DGKI: variants seen among roughly 807,000 people sequenced by gnomAD.
DGKI encodes diacylglycerol kinase iota.
DGKI carries 55 observed loss-of-function variants against 147.5 expected under a neutral mutation model. That is an observed-to-expected ratio of 0.37 (90% CI 0.30 to 0.47). DGKI has a LOEUF of 0.47. Among genes scored for constraint, DGKI ranks in the 20% least tolerant of loss-of-function variants. The pLI is 1.00. For missense variants in DGKI, 1,007 were observed against 1,323.8 expected (o/e 0.76, Z 3.71); for synonymous variants, 469 against 477.1 (o/e 0.98, Z 0.22).
intron 17 of DGKI, among the ~76,000 whole-genome samples, chr7:137,575,992 T>C (rs1464090572): frequency 6.6e-6 from 1 of 152,058 alleles, no homozygotes; most frequent in Non-Finnish European, 1.5e-5. Flanking sequence ...TCTATTTTCA[T>C]GTATATATTT....
intron 21 of DGKI, among the ~76,000 whole-genome samples, chr7:137,512,325 A>G (rs1156369678): frequency 6.6e-6 from 1 of 152,210 alleles, no homozygotes; most frequent in Non-Finnish European, 1.5e-5. Context: ...ATGAAGCCCT[A>G]TGCAATGATT....
At chr7:137,670,529 G>C (rs1002926934) in intron 3 of DGKI, among the ~76,000 whole-genome samples, 4 of 152,154 alleles carry the variant, frequency 2.6e-5, no homozygotes, top group African/African-American at 9.7e-5. Flanking sequence ...CTGCCACTGA[G>C]AGCACCCCAC....
Position 137,552,374 on chromosome 7 carries a change from G to C in DGKI, c.2142C>G (p.Leu714=), listed in dbSNP as rs1212810662. ...TAGGCCATGAGCAGACTCACTCATT[G>C]AGTAAAGGCATGGATGTTCTCCTCT... The part of the protein sequence containing the change: ...KSKRRTSMPL[L]NDPQSVPDRL... The change falls in exon 20 of 33, where the codon CTC becomes CTG. Residue 714 remains leucine (L), a synonymous_variant. Coordinates refer to ENST00000614521, the MANE Select transcript of DGKI (RefSeq NM_001321708.2). 2 of 1,612,784 alleles carry C rather than the reference G, an allele frequency of 1.2e-6. No homozygotes were observed. Among genetic ancestry groups the C allele is most frequent in the African/African-American group, 1.3e-5 (1 of 74,868 alleles).
At chr7:137,554,614 C>T (rs1723120) in intron 19 of DGKI, among the ~76,000 whole-genome samples, 16,572 of 152,046 alleles carry the variant, frequency 0.11, 2,039 homozygotes, top group African/African-American at 0.3. Flanking sequence ...TTTCCCTCAA[C>T]CCCTCTCAAA....
At chr7:137,451,921 C>T (rs1157859018) in intron 27 of DGKI, among the ~76,000 whole-genome samples, 5 of 152,094 alleles carry the variant, frequency 3.3e-5, no homozygotes, top group African/African-American at 1.2e-4. Flanking sequence ...GGCCTTCCTA[C>T]TTGGCCCTTC....
chr7:137,485,318 A>T lies in DGKI; in HGVS notation c.2373+56T>A, dbSNP rs1815515268. ...AAATCAAAATAAGACATTAATTGAA[A>T]GATGGACTTCATTTGGCCAGAAGGT... On this transcript the variant is annotated intron_variant, in intron 23 of 32. Transcript: ENST00000614521. 6.0e-6 allele frequency: 8 copies of T among 1,329,008 alleles called. No individual in the cohort carries two copies. In the East Asian group the frequency reaches 1.9e-4, roughly 31 times the overall value. 82.3% of individuals were successfully genotyped at this position (1,329,008 alleles called of 1,614,324 possible).
rs1354228420 is a variant in DGKI, at chr7:137,382,759, A to C, written c.*8461T>G. 6.6e-6 allele frequency: 1 copy of C among 152,068 alleles called. No individual in the cohort carries two copies. Among genetic ancestry groups the C allele is most frequent in the Non-Finnish European group, 1.5e-5 (1 of 67,976 alleles). The allele number at this position is 152,068 out of a possible 1,614,324, so 9.4% of individuals were successfully genotyped here. ...TTATGCCCCCAAACCAGAGGCAAGA[A>C]GTAGAACAAGAAAGAAGGTGGAGTA... On this transcript the variant is annotated 3_prime_UTR_variant, in exon 33 of 33. Transcript: ENST00000614521.
At chr7:137,713,606 T>C (rs1298568716) in intron 1 of DGKI, among the ~76,000 whole-genome samples, 2 of 152,214 alleles carry the variant, frequency 1.3e-5, no homozygotes, top group Non-Finnish European at 2.9e-5. Flanking sequence ...GAGGTTGCCA[T>C]TAACTTATTA....
chr7:137,524,838 C>T (rs867662500), intron 20 of DGKI, among the ~76,000 whole-genome samples: 1 of 152,092 alleles, frequency 6.6e-6, no homozygotes, highest in South Asian at 2.1e-4. Flanking sequence ...ACTAAGACCT[C>T]GATTGGGCAG....
At chr7:137,651,392 G>A (rs1822021894) in intron 5 of DGKI, among the ~76,000 whole-genome samples, 2 of 152,200 alleles carry the variant, frequency 1.3e-5, no homozygotes, top group Non-Finnish European at 2.9e-5. Flanking sequence ...GAGTCTATGA[G>A]AGAAGGAATA....
chr7:137,488,972 G>A lies in DGKI; in HGVS notation c.2249-1283C>T, dbSNP rs141508662. On this transcript the variant is annotated intron_variant, in intron 21 of 32. Coordinates refer to ENST00000614521, the MANE Select transcript of DGKI (RefSeq NM_001321708.2). ...TGAAGAACATGAAGCCTCACTTGAC[G>A]TTTTAGCTAGAGGAGTAAAGGTGGT... Among the ~76,000 whole-genome samples, 437 of 152,232 alleles carry A rather than the reference G, an allele frequency of 2.9e-3. 2 individuals are homozygous for A. Among genetic ancestry groups the A allele is most frequent in the African/African-American group, 9.8e-3 (409 of 41,554 alleles).
intron 27 of DGKI, among the ~76,000 whole-genome samples, chr7:137,447,510 G>C (rs1330400227): frequency 6.6e-6 from 1 of 152,184 alleles, no homozygotes; most frequent in East Asian, 1.9e-4. Context: ...AGAATAAAGA[G>C]GAGCTTATTA....
At chr7:137,783,210 A>G (rs1359121859) in intron 1 of DGKI, among the ~76,000 whole-genome samples, 1 of 152,230 alleles carries the variant, frequency 6.6e-6, no homozygotes, top group Non-Finnish European at 1.5e-5. Flanking sequence ...GTGTAGTCCA[A>G]CTTAAACAAA....
chr7:137,386,537 G>A lies in DGKI; in HGVS notation c.*4683C>T, dbSNP rs1811181519. 1 of 152,152 alleles carries A rather than the reference G, an allele frequency of 6.6e-6. No homozygotes were observed. The highest frequency in any genetic ancestry group is 2.1e-4 in the South Asian group (1 of 4,824). 9.4% of individuals were successfully genotyped at this position (152,152 alleles called of 1,614,324 possible). A position where few individuals can be genotyped will look rare whatever the true frequency, so the allele number is the denominator to read the frequency against. ...GTAAAAGGTATACTTGTCCCAGAGGGTAATTTCATTTTGATGTATTTTGAG... is the reference window on the plus strand; with the variant it reads ...GTAAAAGGTATACTTGTCCCAGAGGATAATTTCATTTTGATGTATTTTGAG... On this transcript the variant is annotated 3_prime_UTR_variant, in exon 33 of 33. Coordinates refer to ENST00000614521, the MANE Select transcript of DGKI (RefSeq NM_001321708.2).
intron 22 of DGKI, among the ~76,000 whole-genome samples, chr7:137,485,640 A>G (rs538578398): frequency 1.4e-4 from 22 of 152,252 alleles, no homozygotes; most frequent in African/African-American, 4.6e-4. Flanking sequence ...GTTGAAACCT[A>G]TAAGTCCTAC....
chr7:137,574,336 A>G (rs2128977447), intron 17 of DGKI, among the ~76,000 whole-genome samples: 1 of 152,352 alleles, frequency 6.6e-6, no homozygotes, highest in East Asian at 1.9e-4. Context: ...CTTACTTAAG[A>G]ACTTGAAATG....
chr7:137,814,462 A>T lies in DGKI; in HGVS notation c.401+32000T>A, dbSNP rs556857026. ...ATTTAGTTCATTATTTTTCCCACCC[A>T]TCTATGTTTTGGGGTGCATTGTTTG... On this transcript the variant is annotated intron_variant, in intron 1 of 32. Coordinates refer to ENST00000614521, the MANE Select transcript of DGKI (RefSeq NM_001321708.2). 2.0e-5 allele frequency among the ~76,000 whole-genome samples: 3 copies of T among 152,144 alleles called. No individual in the cohort carries two copies. In the East Asian group the frequency reaches 5.8e-4, roughly 29 times the overall value.
At chr7:137,489,102 A>G (rs1421589930) in intron 21 of DGKI, among the ~76,000 whole-genome samples, 1 of 152,210 alleles carries the variant, frequency 6.6e-6, no homozygotes, top group Non-Finnish European at 1.5e-5. Flanking sequence ...ATGTTTCTAA[A>G]GTCCTGCATA....
intron 30 of DGKI, among the ~76,000 whole-genome samples, chr7:137,398,570 A>G (rs1001837942): frequency 6.6e-6 from 1 of 152,168 alleles, no homozygotes; most frequent in Non-Finnish European, 1.5e-5. Context: ...CATTATTATT[A>G]AAAATTAACT....
Sources: allele counts gnomAD v4.1 joint callset (sites outside exome capture counted in the v4.1 genomes callset), GRCh38; gene constraint gnomAD v4.1.1; transcripts MANE v1.5; gene names NCBI Gene and HGNC (gene_info 2026-07-23, HGNC 2026-07-21).